LRRC4C: variants seen among roughly 807,000 people sequenced by gnomAD.
LRRC4C encodes the protein leucine-rich repeat-containing protein 4C.
In LRRC4C, 5 loss-of-function variants were observed where a neutral mutation model predicts 33.6. The ratio of observed to expected loss-of-function variants is 0.15; its 90% CI spans 0.08 to 0.31. The LOEUF (loss-of-function observed/expected upper bound fraction) is 0.31, where lower values mean the gene tolerates loss of function less well. Among genes scored for constraint, LRRC4C ranks in the 10% least tolerant of loss-of-function variants. LRRC4C has a pLI of 1.00. For synonymous variants in LRRC4C, 329 were observed against 302.0 expected (o/e 1.09, Z -0.93); for missense variants, 560 against 796.7 (o/e 0.70, Z 3.58).
chr11:40,321,695 AG>A, intron 3 of LRRC4C, among the ~76,000 whole-genome samples: 1 of 152,328 alleles, frequency 6.6e-6, no homozygotes, highest in South Asian at 2.1e-4. Flanking sequence ...CAATTGAAGT[AG>A]ATTCTATCAG....
intron 2 of LRRC4C, among the ~76,000 whole-genome samples, chr11:40,769,477 G>C (rs905940789): frequency 6.6e-6 from 1 of 151,930 alleles, no homozygotes; most frequent in Non-Finnish European, 1.5e-5. Context: ...TAGAAAAAAA[G>C]AATCCTAAAT....
intron 2 of LRRC4C, among the ~76,000 whole-genome samples, chr11:40,817,438 T>G (rs372315377): frequency 6.6e-6 from 1 of 152,176 alleles, no homozygotes; most frequent in South Asian, 2.1e-4. Context: ...CTGATAGATA[T>G]GATGCGTTGC....
chr11:40,507,481 T>C (rs1955089681), intron 3 of LRRC4C, among the ~76,000 whole-genome samples: 1 of 152,144 alleles, frequency 6.6e-6, no homozygotes, highest in South Asian at 2.1e-4. Flanking sequence ...ACATTCATTG[T>C]TGGTGAGAGT....
intron 2 of LRRC4C, among the ~76,000 whole-genome samples, chr11:40,852,449 T>A (rs1005524209): frequency 5.3e-5 from 8 of 152,124 alleles, no homozygotes; most frequent in African/African-American, 1.9e-4. Context: ...AATTAAAAGT[T>A]AAAGATATAA....
chr11:40,934,549 T>A (rs1328034488), intron 1 of LRRC4C, among the ~76,000 whole-genome samples: 1 of 152,204 alleles, frequency 6.6e-6, no homozygotes, highest in Admixed American at 6.6e-5. Flanking sequence ...TACGCTATAA[T>A]AATTTAGCAT....
At chr11:40,871,601 A>G (rs1327782617) in intron 2 of LRRC4C, among the ~76,000 whole-genome samples, 1 of 152,114 alleles carries the variant, frequency 6.6e-6, no homozygotes, top group Non-Finnish European at 1.5e-5. Context: ...GTATCCGTTT[A>G]TGCACAGACA....
chr11:41,043,327 T>A (rs1857564421), intron 1 of LRRC4C, among the ~76,000 whole-genome samples: 1 of 152,080 alleles, frequency 6.6e-6, no homozygotes, highest in Non-Finnish European at 1.5e-5. Context: ...AATATGTTTT[T>A]AAATTGTAAA....
At chr11:40,165,900 G>A (rs1859554980) in intron 5 of LRRC4C, among the ~76,000 whole-genome samples, 1 of 152,098 alleles carries the variant, frequency 6.6e-6, no homozygotes. Context: ...AGCCAAGATG[G>A]TGCCATTGCA....
At chr11:40,495,292 C>T (rs1954371980) in intron 3 of LRRC4C, among the ~76,000 whole-genome samples, 1 of 151,526 alleles carries the variant, frequency 6.6e-6, no homozygotes, top group East Asian at 1.9e-4. Flanking sequence ...AACCTCTCCG[C>T]CCCCCCCGCC....
intron 2 of LRRC4C, among the ~76,000 whole-genome samples, chr11:40,809,123 A>G (rs1951372945): frequency 6.6e-6 from 1 of 152,058 alleles, no homozygotes; most frequent in African/African-American, 2.4e-5. Context: ...TCTTCCAACA[A>G]CCATCTCAAT....
At chr11:40,559,477 G>A (rs1957463329) in intron 3 of LRRC4C, among the ~76,000 whole-genome samples, 1 of 152,104 alleles carries the variant, frequency 6.6e-6, no homozygotes. Flanking sequence ...GAGCCACTGT[G>A]CCTGACCATA....
At chr11:40,909,881 G>A (rs1592061736) in intron 2 of LRRC4C, among the ~76,000 whole-genome samples, 2 of 152,242 alleles carry the variant, frequency 1.3e-5, no homozygotes. Flanking sequence ...GGCAACGCTT[G>A]AATATGACAA....
chr11:40,913,842 G>A (rs1022821643), intron 2 of LRRC4C, among the ~76,000 whole-genome samples: 18 of 151,788 alleles, frequency 1.2e-4, no homozygotes, highest in African/African-American at 2.2e-4. Flanking sequence ...TCAAATAGAC[G>A]CAATAAAAAA....
chr11:41,119,485 C>T (rs1942314205), intron 1 of LRRC4C, among the ~76,000 whole-genome samples: 1 of 152,104 alleles, frequency 6.6e-6, no homozygotes. Flanking sequence ...AGTCAATTTG[C>T]CTAAACCACT....
chr11:40,311,855 G>A (rs1208238193), intron 4 of LRRC4C, among the ~76,000 whole-genome samples: 1 of 146,828 alleles, frequency 6.8e-6, no homozygotes, highest in Non-Finnish European at 1.5e-5. Context: ...TGAGGCAGGA[G>A]AATTGCTTGA....
chr11:41,370,458 G>C (rs956864370), intron 1 of LRRC4C, among the ~76,000 whole-genome samples: 2 of 152,044 alleles, frequency 1.3e-5, no homozygotes, highest in African/African-American at 4.8e-5. Flanking sequence ...CATGGGGGCG[G>C]CTCCCCCCAT....
chr11:40,973,778 G>A (rs1389104157), intron 1 of LRRC4C, among the ~76,000 whole-genome samples: 1 of 152,016 alleles, frequency 6.6e-6, no homozygotes, highest in Non-Finnish European at 1.5e-5. Flanking sequence ...TAGACAATAT[G>A]TTGGAAATTA....
intron 3 of LRRC4C, among the ~76,000 whole-genome samples, chr11:40,411,555 A>G (rs1327468230): frequency 6.6e-6 from 1 of 152,048 alleles, no homozygotes; most frequent in Non-Finnish European, 1.5e-5. Context: ...CTGTTTCTAC[A>G]TCAGATCCAG....
chr11:40,952,808 A>G (rs754483383), intron 1 of LRRC4C, among the ~76,000 whole-genome samples: 1 of 150,028 alleles, frequency 6.7e-6, no homozygotes, highest in Non-Finnish European at 1.5e-5. Flanking sequence ...GCTTCACTGA[A>G]TAACTCTCCT....
Sources: gnomAD v4.1 joint callset for allele counts (sites outside exome capture counted in the v4.1 genomes callset) on GRCh38, gnomAD v4.1.1 for gene constraint, MANE v1.5 for transcripts, NCBI Gene and HGNC (gene_info 2026-07-23, HGNC 2026-07-21) for gene names.